ZNF571: variants seen among roughly 807,000 people sequenced by gnomAD.
ZNF571 encodes the protein zinc finger protein 571.
In ZNF571, 4 loss-of-function variants were observed where a neutral mutation model predicts 7.7. The ratio of observed to expected loss-of-function variants is 0.52; its 90% CI spans 0.25 to 1.18. The LOEUF is 1.18. Ranked by LOEUF, ZNF571 falls within the 50% of genes most tolerant of loss-of-function variation. The probability of loss-of-function intolerance (pLI) is 0.14; values close to 1 mark genes in which losing one functional copy is unlikely to be tolerated. For synonymous variants in ZNF571, 251 were observed against 232.4 expected, an observed-to-expected ratio of 1.08 and a Z score of -0.73; for missense variants, 704 against 726.9, an observed-to-expected ratio of 0.97 and a Z score of 0.36.
intron 1 of ZNF571, among the ~76,000 whole-genome samples, chr19:37,590,173 A>C (rs1372965796): frequency 5.3e-5 from 8 of 152,032 alleles, no homozygotes; most frequent in African/African-American, 1.7e-4. Context: ...TCAGGAGGCC[A>C]AGGCGGGTGG....
At chr19:37,589,498 T>C (rs1449676756) in intron 1 of ZNF571, among the ~76,000 whole-genome samples, 1 of 150,206 alleles carries the variant, frequency 6.7e-6, no homozygotes, top group East Asian at 2.0e-4. Context: ...AAAAAAAAAG[T>C]CAACGGTCAT....
At chr19:37,568,532 T>C (rs1475314773) in intron 3 of ZNF571, among the ~76,000 whole-genome samples, 1 of 152,202 alleles carries the variant, frequency 6.6e-6, no homozygotes, top group Non-Finnish European at 1.5e-5. Flanking sequence ...TAGCTACCTA[T>C]GTGCTAGTGC....
intron 3 of ZNF571, among the ~76,000 whole-genome samples, chr19:37,580,147 A>T (rs960277253): frequency 2.5e-4 from 38 of 152,232 alleles, no homozygotes; most frequent in African/African-American, 9.2e-4. Context: ...ACTGACTAGC[A>T]ACCCTACATG....
In ZNF571 at chr19:37,566,242, A is replaced by T; in HGVS notation, c.186T>A (p.Ile62=). The change falls in exon 4 of 4, where the codon ATT becomes ATA. Residue 62 remains isoleucine (I), a synonymous_variant. Coordinates refer to ENST00000451802, the MANE Select transcript of ZNF571 (RefSeq NM_016536.5). ...VTKKLSPEKE[I]YEMESLQWEN... ...CCCACTGGAGTGATTCCATTTCATA[A>T]ATTTCCTTTTCTGGAGATAACTTTT... 6.2e-7 allele frequency: 1 copy of T among 1,613,482 alleles called. No individual in the cohort carries two copies. Among genetic ancestry groups the T allele is most frequent in the Non-Finnish European group, 8.5e-7 (1 of 1,179,772 alleles).
chr19:37,580,506 T>C, intron 3 of ZNF571, among the ~76,000 whole-genome samples: 1 of 152,190 alleles, frequency 6.6e-6, no homozygotes, highest in Admixed American at 6.5e-5. Flanking sequence ...TGAAATACCA[T>C]CTGCTATGGT....
chr19:37,568,500 T>G (rs1206687321), intron 3 of ZNF571, among the ~76,000 whole-genome samples: 1 of 145,744 alleles, frequency 6.9e-6, no homozygotes, highest in African/African-American at 2.8e-5. Flanking sequence ...AGGAATCAAA[T>G]AAATTCAGTT....
intron 3 of ZNF571, among the ~76,000 whole-genome samples, chr19:37,574,125 T>C (rs967744849): frequency 6.6e-6 from 1 of 152,230 alleles, no homozygotes; most frequent in Non-Finnish European, 1.5e-5. Flanking sequence ...CTAGGAGGCC[T>C]ATTTAAAACT....
chr19:37,571,688 G>T (rs552141714), intron 3 of ZNF571, among the ~76,000 whole-genome samples: 5 of 152,212 alleles, frequency 3.3e-5, no homozygotes, highest in African/African-American at 1.2e-4. Context: ...CAATATTTTT[G>T]ACATTATCCA....
At chr19:37,590,004 G>A (rs930322583) in intron 1 of ZNF571, among the ~76,000 whole-genome samples, 1 of 151,246 alleles carries the variant, frequency 6.6e-6, no homozygotes, top group Non-Finnish European at 1.5e-5. Flanking sequence ...TCAAAGAAAA[G>A]TCCAGGAATT....
Position 37,566,091 on chromosome 19 carries a change from T to C in ZNF571, c.337A>G (p.Thr113Ala), listed in dbSNP as rs1015879872. 1 of 1,614,050 alleles carries C rather than the reference T, an allele frequency of 6.2e-7. No homozygotes were observed. Among genetic ancestry groups the C allele is most frequent in the Non-Finnish European group, 8.5e-7 (1 of 1,179,936 alleles). ...CTTTCAGTGGCCTTTTCTTCACAGG[T>C]AATTTTGACACACATGTAAAGCCCT... Reference protein sequence around the residue: ...QEGLYMCVKITCEEKATESHS... With the variant: ...QEGLYMCVKIACEEKATESHS... Residue 113 changes from threonine to alanine, a missense_variant, in exon 4 of 4, where the codon ACC becomes GCC. Transcript: ENST00000451802.
chr19:37,564,680 TCA>T lies in ZNF571; in HGVS notation c.1746_1747del (p.Lys584ThrfsTer9). 1 of 1,613,482 alleles carries T rather than the reference TCA, an allele frequency of 6.2e-7. No individual in the cohort carries two copies. The highest frequency in any genetic ancestry group is 8.5e-7 in the Non-Finnish European group (1 of 1,179,638). ...ACACTGGACACATGTATAGGGTTTC[TCA>T]CCAGTATGGATCCTTTGATGCAGAG... On this transcript the variant is annotated frameshift_variant, in exon 4 of 4. Transcript: ENST00000451802. LOFTEE classifies it low-confidence loss of function (END_TRUNC).
chr19:37,594,318 C>A (rs1329585281), intron 1 of ZNF571: 1 of 152,466 alleles, frequency 6.6e-6, no homozygotes, highest in East Asian at 1.9e-4. Context: ...AGGGGCCAAG[C>A]GCTAGGAGCA....
In ZNF571 at chr19:37,564,829, T is replaced by C; in HGVS notation, c.1599A>G (p.Lys533=). 1.9e-6 allele frequency: 3 copies of C among 1,613,996 alleles called. No individual in the cohort carries two copies. The highest frequency in any genetic ancestry group is 2.5e-6 in the Non-Finnish European group (3 of 1,179,926). ...CACGAATAAAAGCCTTCCCACACTG[T>C]TTACATTCATAAGGTTTTTCACCTC... ...IHRGEKPYEC[K]QCGKAFIRGS... is the part of the protein sequence containing the mutation. The change falls in exon 4 of 4, where the codon AAA becomes AAG. Residue 533 remains lysine (K), a synonymous_variant. Coordinates refer to ENST00000451802, the MANE Select transcript of ZNF571 (RefSeq NM_016536.5).
intron 3 of ZNF571, among the ~76,000 whole-genome samples, chr19:37,578,084 A>C (rs2043308146): frequency 6.6e-6 from 1 of 152,154 alleles, no homozygotes; most frequent in Non-Finnish European, 1.5e-5. Flanking sequence ...CCTTATGAGA[A>C]TCTAACTAAT....
intron 3 of ZNF571, among the ~76,000 whole-genome samples, chr19:37,575,018 C>A (rs2043195103): frequency 1.3e-5 from 2 of 152,190 alleles, no homozygotes; most frequent in African/African-American, 4.8e-5. Flanking sequence ...ACTTCATAAC[C>A]TGTTATTCAC....
intron 3 of ZNF571, among the ~76,000 whole-genome samples, chr19:37,570,684 C>T (rs1322507700): frequency 6.6e-6 from 1 of 152,152 alleles, no homozygotes; most frequent in Non-Finnish European, 1.5e-5. Context: ...CTCTTTACCC[C>T]TACTCATAGA....
intron 3 of ZNF571, among the ~76,000 whole-genome samples, chr19:37,579,211 C>CAGGT (rs1816072372): frequency 6.6e-6 from 1 of 152,236 alleles, no homozygotes; most frequent in Admixed American, 6.5e-5. Flanking sequence ...TCATAGCCAG[C>CAGGT]ACCTGAACTC....
At chr19:37,581,466 C>CTTTTTTTT (rs1226046583) in intron 3 of ZNF571, among the ~76,000 whole-genome samples, 1 of 138,730 alleles carries the variant, frequency 7.2e-6, no homozygotes, top group Non-Finnish European at 1.6e-5. Flanking sequence ...TTCTTTCTTT[C>CTTTTTTTT]TTTTTTTTTT....
At chr19:37,577,295 T>G (rs560138717) in intron 3 of ZNF571, among the ~76,000 whole-genome samples, 1 of 152,296 alleles carries the variant, frequency 6.6e-6, no homozygotes, top group African/African-American at 2.4e-5. Flanking sequence ...ACTATATGCT[T>G]TAATAAACCA....
Sources: allele counts gnomAD v4.1 joint callset (sites outside exome capture counted in the v4.1 genomes callset), GRCh38; gene constraint gnomAD v4.1.1; transcripts MANE v1.5; gene names NCBI Gene and HGNC (gene_info 2026-07-23, HGNC 2026-07-21).